PLCH1: variants seen among roughly 807,000 people sequenced by gnomAD.
PLCH1 encodes 1-phosphatidylinositol 4,5-bisphosphate phosphodiesterase eta-1.
In PLCH1, 60 loss-of-function variants were observed where a neutral mutation model predicts 126.7. The observed-to-expected ratio is 0.47, with a 90% CI of 0.38 to 0.59. The LOEUF (loss-of-function observed/expected upper bound fraction) is 0.59. Among genes scored for constraint, PLCH1 ranks in the 20% least tolerant of loss-of-function variants. PLCH1 has a pLI of 0.00. For synonymous variants in PLCH1, 719 were observed against 734.9 expected, an observed-to-expected ratio of 0.98 and a Z score of 0.35; for missense variants, 1,723 against 2,040.0, an observed-to-expected ratio of 0.84 and a Z score of 2.99.
intron 2 of PLCH1, among the ~76,000 whole-genome samples, chr3:155,684,185 C>G (rs1482659820): frequency 1.3e-5 from 2 of 152,186 alleles, no homozygotes; most frequent in African/African-American, 2.4e-5. Context: ...CCCCCTACCC[C>G]CTTATCCAGC....
chr3:155,606,760 A>G (rs1734420652), intron 2 of PLCH1, among the ~76,000 whole-genome samples: 2 of 152,344 alleles, frequency 1.3e-5, no homozygotes, highest in South Asian at 2.1e-4. Context: ...CCAGCCTTGG[A>G]AAAATGCCTT....
intron 2 of PLCH1, among the ~76,000 whole-genome samples, chr3:155,615,166 A>G (rs1360552596): frequency 6.6e-6 from 1 of 152,250 alleles, no homozygotes; most frequent in Non-Finnish European, 1.5e-5. Flanking sequence ...ACAAATGGAC[A>G]ACAAACATAT....
At chr3:155,551,974 T>C (rs1000311402) in intron 9 of PLCH1, among the ~76,000 whole-genome samples, 1 of 152,164 alleles carries the variant, frequency 6.6e-6, no homozygotes, top group African/African-American at 2.4e-5. Flanking sequence ...CAAAATTACT[T>C]CACCCATTTG....
At chr3:155,695,510 T>G (rs1008078145) in intron 2 of PLCH1, among the ~76,000 whole-genome samples, 2 of 152,216 alleles carry the variant, frequency 1.3e-5, no homozygotes, top group African/African-American at 4.8e-5. Context: ...CGCTCTTATC[T>G]CCCCTATTAA....
At chr3:155,726,703 T>A (rs1748353092) in intron 1 of PLCH1, among the ~76,000 whole-genome samples, 1 of 151,146 alleles carries the variant, frequency 6.6e-6, no homozygotes, top group Admixed American at 6.6e-5. Flanking sequence ...GATTCTTTTT[T>A]TTTTTTTTTG....
intron 4 of PLCH1, among the ~76,000 whole-genome samples, chr3:155,589,928 G>A (rs1731885745): frequency 6.6e-6 from 1 of 152,156 alleles, no homozygotes. Flanking sequence ...GCAGATAAAA[G>A]ACTTGAAGGC....
intron 6 of PLCH1, among the ~76,000 whole-genome samples, chr3:155,581,457 T>C (rs528104042): frequency 9.0e-4 from 137 of 152,356 alleles, no homozygotes; most frequent in African/African-American, 3.2e-3. Flanking sequence ...AACGATATAT[T>C]ATTTGGCAAT....
chr3:155,498,232 C>T (rs1017356381), intron 14 of PLCH1, among the ~76,000 whole-genome samples: 5 of 152,054 alleles, frequency 3.3e-5, no homozygotes, highest in Admixed American at 6.6e-5. Context: ...CCCTAAAGTG[C>T]GGGAGTAGTA....
chr3:155,576,912 C>T (rs1213769415), intron 6 of PLCH1, among the ~76,000 whole-genome samples: 3 of 152,046 alleles, frequency 2.0e-5, no homozygotes, highest in African/African-American at 7.2e-5. Flanking sequence ...ATGGTTTGGC[C>T]AAAGTTTTAT....
intron 2 of PLCH1, among the ~76,000 whole-genome samples, chr3:155,664,399 A>T (rs1049570567): frequency 1.3e-5 from 2 of 152,232 alleles, no homozygotes; most frequent in African/African-American, 4.8e-5. Flanking sequence ...CAATAAAAGA[A>T]TAAGATCTCA....
chr3:155,513,953 T>G (rs1719956588), intron 12 of PLCH1, among the ~76,000 whole-genome samples: 1 of 152,146 alleles, frequency 6.6e-6, no homozygotes, highest in African/African-American at 2.4e-5. Flanking sequence ...GCTGTCTCAA[T>G]CTCTCTGGAT....
At chr3:155,650,588 G>A (rs1740599262) in intron 2 of PLCH1, among the ~76,000 whole-genome samples, 3 of 151,980 alleles carry the variant, frequency 2.0e-5, no homozygotes, top group Admixed American at 2.0e-4. Context: ...AATGAAGTAG[G>A]AAATTAAGAG....
chr3:155,520,195 C>A (rs56328238), intron 11 of PLCH1, among the ~76,000 whole-genome samples: 47 of 152,228 alleles, frequency 3.1e-4, no homozygotes, highest in Middle Eastern at 3.4e-3. Context: ...ATGCTTTCAA[C>A]AGCAAGACCT....
intron 10 of PLCH1, among the ~76,000 whole-genome samples, chr3:155,540,772 G>C (rs566607760): frequency 1.3e-5 from 2 of 152,272 alleles, no homozygotes; most frequent in African/African-American, 2.4e-5. Flanking sequence ...GGTGAAAACA[G>C]AACACTTTTA....
chr3:155,589,319 G>A (rs1006086853), intron 4 of PLCH1, among the ~76,000 whole-genome samples: 2 of 152,082 alleles, frequency 1.3e-5, no homozygotes, highest in African/African-American at 2.4e-5. Context: ...AATGAACACG[G>A]TTGTGTTCCA....
At chr3:155,743,391 G>C (rs1262933360) in intron 1 of PLCH1, 1 of 382,942 alleles carries the variant, frequency 2.6e-6, no homozygotes, top group Non-Finnish European at 5.0e-6. Flanking sequence ...AAATAGCTGG[G>C]CGTGGTGGCG....
At chr3:155,514,547 C>T (rs1382134641) in intron 12 of PLCH1, among the ~76,000 whole-genome samples, 176 bp downstream of exon 12, 1 of 152,164 alleles carries the variant, frequency 6.6e-6, no homozygotes, top group East Asian at 1.9e-4. Flanking sequence ...CTACCTCCAC[C>T]CAATCCACTT....
downstream of PLCH1, among the ~76,000 whole-genome samples, chr3:155,475,033 T>C (rs1448924117): frequency 6.9e-6 from 1 of 145,748 alleles, no homozygotes; most frequent in Non-Finnish European, 1.5e-5. Context: ...CATATGTAAC[T>C]AACCTGCACA....
At chr3:155,511,922 T>A (rs1488153360) in intron 12 of PLCH1, among the ~76,000 whole-genome samples, 1 of 152,158 alleles carries the variant, frequency 6.6e-6, no homozygotes, top group Non-Finnish European at 1.5e-5. Flanking sequence ...TAAGCAAGCC[T>A]GGGCAATGGC....
Sources: gnomAD v4.1 joint callset for allele counts (sites outside exome capture counted in the v4.1 genomes callset) on GRCh38, gnomAD v4.1.1 for gene constraint, MANE v1.5 for transcripts, NCBI Gene and HGNC (gene_info 2026-07-23, HGNC 2026-07-21) for gene names.